The following ACOXL variants were observed in gnomAD, a reference collection of about 807,000 sequenced individuals.
The protein encoded by ACOXL is acyl-CoA oxidase like.
A neutral mutation model predicts 71.9 loss-of-function variants in ACOXL; 70 were observed. The observed-to-expected ratio is 0.97, with a 90% CI of 0.80 to 1.19. The LOEUF (loss-of-function observed/expected upper bound fraction) is 1.19, where lower values mean the gene tolerates loss of function less well. Among genes scored for constraint, ACOXL ranks in the 50% most tolerant of loss-of-function variants. The pLI is 0.00. For synonymous variants in ACOXL, 253 were observed against 281.6 expected (o/e 0.90, Z 1.02); for missense variants, 703 against 736.3 (o/e 0.95, Z 0.52).
chr2:110,944,639 C>G (rs1474853977), intron 12 of ACOXL, among the ~76,000 whole-genome samples: 1 of 152,116 alleles, frequency 6.6e-6, no homozygotes, highest in Non-Finnish European at 1.5e-5. Context: ...GGATAATGGC[C>G]TCCAGCTCCA....
At chr2:110,844,365 C>G (rs10180446) in intron 10 of ACOXL, among the ~76,000 whole-genome samples, 98,254 of 151,938 alleles carry the variant, frequency 0.65, 32,438 homozygotes, top group South Asian at 0.78. Context: ...TAAATTTGTG[C>G]TGGGGACAAA....
intron 1 of ACOXL, among the ~76,000 whole-genome samples, chr2:110,734,080 A>G (rs1676536151): frequency 6.6e-6 from 1 of 152,056 alleles, no homozygotes; most frequent in Non-Finnish European, 1.5e-5. Context: ...TTGTAAAAAT[A>G]TAGAACGATG....
At chr2:110,801,756 G>GT (rs1424649029) in intron 8 of ACOXL, 32 bp downstream of exon 8, 1 of 1,593,678 alleles carries the variant, frequency 6.3e-7, no homozygotes, top group East Asian at 2.2e-5. Context: ...CAGGTCAATG[G>GT]TGCAGATGAT....
At chr2:111,077,892 T>C (rs1451847931) in intron 16 of ACOXL, among the ~76,000 whole-genome samples, 1 of 152,204 alleles carries the variant, frequency 6.6e-6, no homozygotes, top group Non-Finnish European at 1.5e-5. Context: ...TAGGCATAAA[T>C]TTCTTTGTGT....
intron 17 of ACOXL, among the ~76,000 whole-genome samples, chr2:111,097,832 G>A (rs1574754409): frequency 6.6e-6 from 1 of 152,272 alleles, no homozygotes; most frequent in Admixed American, 6.5e-5. Flanking sequence ...AAATAAATGG[G>A]GGAAAGACAC....
chr2:110,752,678 T>A (rs1198475904), intron 1 of ACOXL, among the ~76,000 whole-genome samples: 1 of 151,946 alleles, frequency 6.6e-6, no homozygotes, highest in African/African-American at 2.4e-5. Context: ...TTGCATTGTA[T>A]GTTGCTACAG....
In ACOXL at chr2:110,919,558, G is replaced by A. The variant is rs543307142; in HGVS notation, c.905+10653G>A. Among the ~76,000 whole-genome samples, 102 of 148,752 alleles carry A rather than the reference G, an allele frequency of 6.9e-4. 2 individuals carry two copies. Among genetic ancestry groups the A allele is most frequent in the African/African-American group, 2.5e-3 (99 of 39,440 alleles). On this transcript the variant is annotated intron_variant, in intron 11 of 17. Coordinates refer to ENST00000439055, the MANE Select transcript of ACOXL (RefSeq NM_001142807.4). ...GTACCCCAGAACTTAAACTATAATA[G>A]TAAAAAAATAAAAATCACACTTTGT...
intron 2 of ACOXL, among the ~76,000 whole-genome samples, chr2:110,779,388 A>G (rs908334204): frequency 2.0e-5 from 3 of 152,200 alleles, no homozygotes; most frequent in Non-Finnish European, 4.4e-5. Context: ...GGTGTTCACT[A>G]TGGTTGGGGG....
chr2:111,078,504 T>A (rs1237548811), intron 16 of ACOXL, among the ~76,000 whole-genome samples: 1 of 152,160 alleles, frequency 6.6e-6, no homozygotes, highest in African/African-American at 2.4e-5. Flanking sequence ...CCTCAAGTGA[T>A]CTGCCCACCT....
chr2:111,042,827 C>T (rs1485533682), intron 15 of ACOXL, among the ~76,000 whole-genome samples: 3 of 152,100 alleles, frequency 2.0e-5, no homozygotes, highest in Admixed American at 1.3e-4. Context: ...AAAGAGACCC[C>T]AGAGTGGAGC....
At chr2:110,925,189 G>A (rs2060224599) in intron 11 of ACOXL, among the ~76,000 whole-genome samples, 2 of 152,222 alleles carry the variant, frequency 1.3e-5, no homozygotes, top group South Asian at 4.1e-4. Context: ...AGTAGATTCA[G>A]CATAATTCTT....
At chr2:110,982,642 G>C (rs905624962) in intron 12 of ACOXL, among the ~76,000 whole-genome samples, 5 of 152,158 alleles carry the variant, frequency 3.3e-5, no homozygotes, top group African/African-American at 9.7e-5. Context: ...TGCCCTTCAG[G>C]AACCTAGGCT....
At chr2:111,029,394 C>T (rs1266777033) in intron 14 of ACOXL, among the ~76,000 whole-genome samples, 2 of 152,180 alleles carry the variant, frequency 1.3e-5, no homozygotes, top group East Asian at 1.9e-4. Context: ...GCAATACTCT[C>T]GAAGTTAATG....
chr2:110,845,690 G>A (rs1189746064), intron 10 of ACOXL, among the ~76,000 whole-genome samples: 1 of 152,134 alleles, frequency 6.6e-6, no homozygotes, highest in Non-Finnish European at 1.5e-5. Flanking sequence ...TACAGCATTT[G>A]CCTTTTCGTG....
At chr2:110,784,964 C>T in intron 3 of ACOXL, 149 bp downstream of exon 3, 1 of 527,680 alleles carries the variant, frequency 1.9e-6, no homozygotes. Context: ...GCCTGACTTC[C>T]CTTTTAACTA....
intron 14 of ACOXL, among the ~76,000 whole-genome samples, chr2:111,008,812 T>C (rs1485773371): frequency 2.0e-5 from 3 of 152,216 alleles, no homozygotes; most frequent in African/African-American, 7.2e-5. Context: ...GTTTGATAGG[T>C]GATCAATGGT....
intron 9 of ACOXL, among the ~76,000 whole-genome samples, chr2:110,831,926 A>G (rs1689878251): frequency 6.6e-6 from 1 of 152,234 alleles, no homozygotes; most frequent in African/African-American, 2.4e-5. Context: ...AAAATGACTC[A>G]AAAGGGGTCA....
rs1489294712 is a variant in ACOXL at position 110,801,655 on chromosome 2, T to C, written c.551T>C (p.Leu184Pro). ...TAIDMMYKEG[L>P]HGVDNGILIF... is the part of the protein sequence containing the mutation. ...TTCCCCTTTCTATTCTTGCCAGGTC[T>C]GCATGGTGTGGACAATGGGATATTA... Residue 184 changes from leucine to proline, a missense_variant, in exon 8 of 18, where the codon CTG becomes CCG. By Grantham distance (98) the Leu-to-Pro change is moderately conservative. Coordinates refer to ENST00000439055, the MANE Select transcript of ACOXL (RefSeq NM_001142807.4). 1.2e-6 allele frequency: 2 copies of C among 1,613,960 alleles called. No homozygotes were observed. The highest frequency in any genetic ancestry group is 8.5e-7 in the Non-Finnish European group (1 of 1,179,914).
chr2:111,041,979 G>C (rs2065808062), intron 15 of ACOXL, among the ~76,000 whole-genome samples: 1 of 152,242 alleles, frequency 6.6e-6, no homozygotes, highest in African/African-American at 2.4e-5. Flanking sequence ...CATGTGGAGA[G>C]AGGGCAGCTG....
Sources: allele counts gnomAD v4.1 joint callset (sites outside exome capture counted in the v4.1 genomes callset), GRCh38; gene constraint gnomAD v4.1.1; transcripts MANE v1.5; gene names NCBI Gene and HGNC (gene_info 2026-07-23, HGNC 2026-07-21).